The following NFIC variants were observed in gnomAD, a reference collection of about 807,000 sequenced individuals.
The protein encoded by NFIC is nuclear factor 1 C-type.
NFIC carries 12 observed loss-of-function variants against 54.4 expected under a neutral mutation model. The observed-to-expected ratio is 0.22, with a 90% CI of 0.14 to 0.36. NFIC has a LOEUF of 0.36. Among genes scored for constraint, NFIC ranks in the 10% least tolerant of loss-of-function variants. The pLI is 1.00. For synonymous variants in NFIC, 322 were observed against 319.2 expected, an observed-to-expected ratio of 1.01 and a Z score of -0.09; for missense variants, 575 against 718.2, an observed-to-expected ratio of 0.80 and a Z score of 2.28.
Position 3,463,900 on chromosome 19 carries a change from TCCTCCCCCTCC to T in NFIC, c.*1137_*1147del, listed in dbSNP as rs2082678957. The stretch of plus-strand genomic sequence containing the variant: ...CTGGGACACGGAATGGCCGCGGGCC[TCCTCCCCCTCC>T]CCTCCAGCCTCTCCACCAGCCCCTC... On this transcript the variant is annotated 3_prime_UTR_variant, in exon 11 of 11. Transcript: ENST00000443272. 2.3e-6 allele frequency: 2 copies of T among 879,742 alleles called. No individual in the cohort carries two copies. Among genetic ancestry groups the T allele is most frequent in the African/African-American group, 2.3e-5 (1 of 42,682 alleles). The allele number at this position is 879,742 out of a possible 1,614,324, so 54.5% of individuals were successfully genotyped here.
At chr19:3,387,237 C>T (rs2081310865) in intron 2 of NFIC, among the ~76,000 whole-genome samples, 2 of 152,242 alleles carry the variant, frequency 1.3e-5, no homozygotes, top group Non-Finnish European at 2.9e-5. Flanking sequence ...CACAGTGGCT[C>T]ATACCTGCAA....
chr19:3,418,272 T>C (rs935109513), intron 2 of NFIC, among the ~76,000 whole-genome samples: 1 of 151,948 alleles, frequency 6.6e-6, no homozygotes, highest in Non-Finnish European at 1.5e-5. Flanking sequence ...AACTTTTGTA[T>C]TTTTTGTAGA....
chr19:3,417,221 C>T lies in NFIC; in HGVS notation c.563-7885C>T, dbSNP rs538776658. The stretch of plus-strand genomic sequence containing the variant: ...CTTTTGGAGGCCTAGGCAGGAGGGT[C>T]ACTTGAGCCCAGGAGTTAGAGACCG... On this transcript the variant is annotated intron_variant, in intron 2 of 10. Coordinates refer to ENST00000443272, the MANE Select transcript of NFIC (RefSeq NM_001245002.2). 3.9e-5 allele frequency among the ~76,000 whole-genome samples: 6 copies of T among 152,230 alleles called. No individual in the cohort carries two copies. In the East Asian group the frequency reaches 9.7e-4, roughly 25 times the overall value.
chr19:3,456,350 C>A (rs1481704121), intron 9 of NFIC, among the ~76,000 whole-genome samples, 200 bp from the exon 10 acceptor site: 1 of 152,186 alleles, frequency 6.6e-6, no homozygotes, highest in Non-Finnish European at 1.5e-5. Flanking sequence ...GAGTCAGGAT[C>A]CCCGCCTCCC....
intron 2 of NFIC, among the ~76,000 whole-genome samples, chr19:3,417,107 G>T (rs181746344): frequency 4.0e-5 from 6 of 149,672 alleles, no homozygotes; most frequent in Non-Finnish European, 9.0e-5. Context: ...GGATGGTCTC[G>T]ATCTCCTGAC....
Position 3,464,708 on chromosome 19 carries a change from C to G in NFIC, c.*1939C>G. The stretch of plus-strand genomic sequence containing the variant: ...AAACTAGCCTCAGGAGCTTGGCGAA[C>G]CCGCTCGCTCCTAAAGAGAAAGACC... On this transcript the variant is annotated 3_prime_UTR_variant, in exon 11 of 11. Coordinates refer to ENST00000443272, the MANE Select transcript of NFIC (RefSeq NM_001245002.2). 2.0e-6 allele frequency: 2 copies of G among 985,270 alleles called. No homozygotes were observed. The highest frequency in any genetic ancestry group is 2.4e-6 in the Non-Finnish European group (2 of 830,064). The allele number at this position is 985,270 out of a possible 1,614,324, so 61.0% of individuals were successfully genotyped here.
At chr19:3,403,796 A>T (rs2081594596) in intron 2 of NFIC, among the ~76,000 whole-genome samples, 1 of 152,110 alleles carries the variant, frequency 6.6e-6, no homozygotes, top group East Asian at 1.9e-4. Flanking sequence ...AAGGAAGGGG[A>T]AGCCGGGAGG....
chr19:3,405,276 GC>G (rs1177763735), intron 2 of NFIC, among the ~76,000 whole-genome samples: 2 of 152,094 alleles, frequency 1.3e-5, no homozygotes, highest in Admixed American at 6.6e-5. Context: ...TGCCTCTCGG[GC>G]CCCCCCAGGT....
At chr19:3,415,165 T>G (rs1321258503) in intron 2 of NFIC, among the ~76,000 whole-genome samples, 1 of 144,832 alleles carries the variant, frequency 6.9e-6, no homozygotes, top group Non-Finnish European at 1.5e-5. Context: ...TAGTCTGGAG[T>G]GCAGTGGTAC....
chr19:3,362,480 G>C (rs946151172), upstream of NFIC, among the ~76,000 whole-genome samples: 1 of 151,886 alleles, frequency 6.6e-6, no homozygotes, highest in Non-Finnish European at 1.5e-5. Flanking sequence ...TGGGGGGAAG[G>C]CTGTGATGAT....
rs138945457 is a variant in NFIC at position 3,435,101 on chromosome 19, G to C, written c.852G>C (p.Ser284=). 2 of 1,603,342 alleles carry C rather than the reference G, an allele frequency of 1.2e-6. No individual in the cohort carries two copies. The highest frequency in any genetic ancestry group is 1.1e-5 in the South Asian group (1 of 89,546). ...CCATAAGGAGCAAGCGGCACAAATC[G>C]GGCTCGATGGAGGAAGACGTGGACA... ...TSSSGSKRHK[S]GSMEEDVDTS... The change falls in exon 6 of 11, where the codon TCG becomes TCC. Residue 284 remains serine (S), a synonymous_variant. Transcript: ENST00000443272.
intron 7 of NFIC, among the ~76,000 whole-genome samples, chr19:3,449,635 C>T (rs1358886482): frequency 6.6e-6 from 1 of 151,510 alleles, no homozygotes; most frequent in Non-Finnish European, 1.5e-5. Flanking sequence ...TGGCACGCAC[C>T]TGTAGTCCCA....
intron 2 of NFIC, among the ~76,000 whole-genome samples, chr19:3,417,101 G>A (rs575510982): frequency 1.5e-4 from 23 of 150,440 alleles, no homozygotes; most frequent in African/African-American, 5.1e-4. Context: ...TAGCCAGGAT[G>A]GTCTCGATCT....
chr19:3,405,058 C>T (rs1238906338), intron 2 of NFIC, among the ~76,000 whole-genome samples: 1 of 152,228 alleles, frequency 6.6e-6, no homozygotes, highest in Non-Finnish European at 1.5e-5. Flanking sequence ...GGAGCCAGGC[C>T]ATGGAGCCGG....
At chr19:3,359,685 G>A in exon 1 of NFIC, 1 of 1,424,954 alleles carries the variant, frequency 7.0e-7, no homozygotes, top group Non-Finnish European at 9.3e-7. Context: ...GCAGCGCCAT[G>A]GTACGTCGCC....
In NFIC at chr19:3,458,970, G is replaced by A. The variant is rs181681328; in HGVS notation, c.1509+2335G>A. 2.5e-3 allele frequency among the ~76,000 whole-genome samples: 385 copies of A among 152,200 alleles called. 4 individuals carry two copies. The highest frequency in any genetic ancestry group is 7.7e-3 in the Admixed American group (118 of 15,302). Reference sequence around the variant, plus strand: ...TGCTGCTGCCCTGACTGGACTAAGAGCACCTGGGTTGAGGCCGGGCGCCGC... The same window carrying A: ...TGCTGCTGCCCTGACTGGACTAAGAACACCTGGGTTGAGGCCGGGCGCCGC... On this transcript the variant is annotated intron_variant, in intron 10 of 10. Coordinates refer to ENST00000443272, the MANE Select transcript of NFIC (RefSeq NM_001245002.2). This position sits in a 1 kb window ranked among gnomAD's most constrained non-coding sequence, Gnocchi z 4.1.
chr19:3,377,429 G>T (rs56230484), intron 1 of NFIC, among the ~76,000 whole-genome samples: 67,861 of 150,790 alleles, frequency 0.45, 16,474 homozygotes, highest in Middle Eastern at 0.64. Context: ...TTTGAGAGCT[G>T]GGGGGAGGAA....
In NFIC at chr19:3,453,085, A is replaced by C. The variant is rs10421059; in HGVS notation, c.1269+419A>C. Among the ~76,000 whole-genome samples, 122,858 of 152,046 alleles carry C rather than the reference A, an allele frequency of 0.81. 50,806 individuals are homozygous for C. The highest frequency in any genetic ancestry group is 0.95 in the African/African-American group (39,610 of 41,522). On this transcript the variant is annotated intron_variant, in intron 8 of 10. Coordinates refer to ENST00000443272, the MANE Select transcript of NFIC (RefSeq NM_001245002.2). The surrounding 1 kb of genome is among the most constrained non-coding windows in gnomAD (Gnocchi z 6.7). Reference sequence around the variant, plus strand: ...CCCAGTTTCTACAAAAAAAATACTTAAAAATGAGCCACGCATGGTGGCGGG... The same window carrying C: ...CCCAGTTTCTACAAAAAAAATACTTCAAAATGAGCCACGCATGGTGGCGGG...
chr19:3,363,461 G>A (rs569074823), upstream of NFIC, among the ~76,000 whole-genome samples: 14 of 151,166 alleles, frequency 9.3e-5, no homozygotes, highest in Non-Finnish European at 1.3e-4. Flanking sequence ...TAGTAGAGAC[G>A]GGGTTTCGCC....
Sources: gnomAD v4.1 joint callset for allele counts (sites outside exome capture counted in the v4.1 genomes callset) on GRCh38, gnomAD v4.1.1 for gene constraint, Gnocchi (gnomAD v3.1) non-coding constraint, MANE v1.5 for transcripts, NCBI Gene and HGNC (gene_info 2026-07-23, HGNC 2026-07-21) for gene names.